The following NSD1 variants were observed in gnomAD, a reference collection of about 807,000 sequenced individuals.
The protein encoded by NSD1 is histone-lysine N-methyltransferase, H3 lysine-36 specific.
A neutral mutation model predicts 242.7 loss-of-function variants in NSD1; 26 were observed. The ratio of observed to expected loss-of-function variants is 0.11; its 90% CI spans 0.08 to 0.15. NSD1 has a LOEUF of 0.15. Among genes scored for constraint, NSD1 ranks in the 10% least tolerant of loss-of-function variants. The pLI is 1.00. For missense variants in NSD1, 2,495 were observed against 3,272.8 expected (o/e 0.76, Z 5.80); for synonymous variants, 1,106 against 1,178.1 (o/e 0.94, Z 1.25).
intron 2 of NSD1, among the ~76,000 whole-genome samples, chr5:177,171,273 C>T (rs1759684505): frequency 6.6e-6 from 1 of 151,770 alleles, no homozygotes; most frequent in African/African-American, 2.4e-5. Flanking sequence ...CGCCGCTGCA[C>T]TCCAGCCTGG....
chr5:177,188,058 C>T (rs897511008), intron 2 of NSD1, among the ~76,000 whole-genome samples: 1 of 152,174 alleles, frequency 6.6e-6, no homozygotes, highest in Non-Finnish European at 1.5e-5. Flanking sequence ...TCTTTACTTA[C>T]ATTTTCTCTG....
At chr5:177,265,297 C>G (rs1757329318) in intron 14 of NSD1, 2 of 660,430 alleles carry the variant, frequency 3.0e-6, no homozygotes, top group East Asian at 5.2e-5. Context: ...AAGCAAAAGT[C>G]AGCATGGGAA....
chr5:177,138,317 G>A (rs891565137), intron 2 of NSD1, among the ~76,000 whole-genome samples: 5 of 150,268 alleles, frequency 3.3e-5, no homozygotes, highest in South Asian at 2.1e-4. Flanking sequence ...GTGTAGTGGC[G>A]CGATCTCAGC....
chr5:177,288,844 C>T lies in NSD1; in HGVS notation c.6177C>T (p.Asn2059=). The T allele has an allele frequency of 1.2e-6, 2 of 1,614,032 alleles. No individual in the cohort carries two copies. The highest frequency in any genetic ancestry group is 2.2e-5 in the East Asian group (1 of 44,888). The change falls in exon 21 of 23, where the codon AAC becomes AAT. Residue 2059 remains asparagine, a synonymous_variant. Coordinates refer to ENST00000439151, the MANE Select transcript of NSD1 (RefSeq NM_022455.5). ...KAGTELTFNY[N]LECLGNGKTV... ...GCACTGAACTTACCTTCAACTACAA[C>T]CTAGAATGTCTTGGGAATGGAAAGA...
At chr5:177,195,659 G>A (rs955320915) in intron 3 of NSD1, among the ~76,000 whole-genome samples, 3 of 152,136 alleles carry the variant, frequency 2.0e-5, no homozygotes, top group African/African-American at 4.8e-5. Context: ...TGTAGAGACA[G>A]GGTTTTGCCT....
chr5:177,235,915 A>G lies in NSD1; in HGVS notation c.3891A>G (p.Lys1297=), dbSNP rs1399050633. 2 of 1,614,010 alleles carry G rather than the reference A, an allele frequency of 1.2e-6. No individual in the cohort carries two copies. The highest frequency in any genetic ancestry group is 1.1e-5 in the South Asian group (1 of 91,072). ...EYDQIFAPKK[K]QKKVQEQVHK... ...ATCAGATATTTGCTCCTAAGAAAAAACAAAAGAAGGTACAGGAGCAGGTGC... is the reference window on the plus strand; with the variant it reads ...ATCAGATATTTGCTCCTAAGAAAAAGCAAAAGAAGGTACAGGAGCAGGTGC... Residue 1297 remains lysine, a synonymous_variant, in exon 6 of 23, where the codon AAA becomes AAG. Transcript: ENST00000439151.
intron 16 of NSD1, among the ~76,000 whole-genome samples, chr5:177,271,993 G>A (rs1461878550): frequency 6.6e-6 from 1 of 152,036 alleles, no homozygotes; most frequent in Admixed American, 6.5e-5. Context: ...GCATGGTGAT[G>A]TGCGCCTGTA....
chr5:177,184,472 GTTATA>G (rs1361034870), intron 2 of NSD1, among the ~76,000 whole-genome samples: 1 of 151,788 alleles, frequency 6.6e-6, no homozygotes, highest in Non-Finnish European at 1.5e-5. Context: ...TAATTTGATT[GTTATA>G]TTTTTCTTTT....
At chr5:177,221,025 G>A (rs537698045) in intron 5 of NSD1, 40 of 455,186 alleles carry the variant, frequency 8.8e-5, no homozygotes, top group Non-Finnish European at 1.1e-4. Context: ...CACCACCCCC[G>A]GTTAATTTTG....
chr5:177,158,278 TTTC>T lies in NSD1; in HGVS notation c.927+22251_927+22253del, dbSNP rs1327360637. Among the ~76,000 whole-genome samples the T allele has an allele frequency of 7.9e-4, 77 of 97,412 alleles. 1 individual carries two copies. Among genetic ancestry groups the T allele is most frequent in the African/African-American group, 2.4e-3 (42 of 17,750 alleles). 63.9% of individuals were successfully genotyped at this position (97,412 alleles called of 152,430 possible). ...CTTTCTTTCTTTCTTTCTTTCTTTCTTTCTTTCTTTCTTTCTTTCTTTCTTTTC... is the reference window on the plus strand; with the variant it reads ...CTTTCTTTCTTTCTTTCTTTCTTTCTTTTCTTTCTTTCTTTCTTTCTTTTC... On this transcript the variant is annotated intron_variant, in intron 2 of 22. Coordinates refer to ENST00000439151, the MANE Select transcript of NSD1 (RefSeq NM_022455.5).
intron 2 of NSD1, among the ~76,000 whole-genome samples, chr5:177,145,219 T>G (rs1272180132): frequency 2.6e-5 from 4 of 152,162 alleles, no homozygotes; most frequent in Non-Finnish European, 5.9e-5. Flanking sequence ...CACACCCCTT[T>G]TTTTCCCTTT....
At chr5:177,202,323 C>CT (rs1461395716) in intron 3 of NSD1, among the ~76,000 whole-genome samples, 1 of 151,926 alleles carries the variant, frequency 6.6e-6, no homozygotes, top group Non-Finnish European at 1.5e-5. Flanking sequence ...ACAGTGAGTT[C>CT]TTTTTTCTCC....
chr5:177,198,218 A>C (rs1042390725), intron 3 of NSD1, among the ~76,000 whole-genome samples: 34 of 152,038 alleles, frequency 2.2e-4, no homozygotes, highest in African/African-American at 8.2e-4. Context: ...TAGAGACAAG[A>C]TCTCCCTATG....
At chr5:177,207,923 CGT>C (rs142847055) in intron 4 of NSD1, among the ~76,000 whole-genome samples, 11 of 146,010 alleles carry the variant, frequency 7.5e-5, no homozygotes, top group South Asian at 2.2e-4. Flanking sequence ...TGTGTGTGTG[CGT>C]GTGTGTGTGT....
intron 2 of NSD1, among the ~76,000 whole-genome samples, chr5:177,170,296 C>CT (rs1242597757): frequency 1.3e-5 from 2 of 150,364 alleles, no homozygotes; most frequent in African/African-American, 4.9e-5. Context: ...ATTTTTTTTT[C>CT]TTTTTTTGGT....
chr5:177,156,035 T>A (rs991799093), intron 2 of NSD1, among the ~76,000 whole-genome samples: 1 of 151,842 alleles, frequency 6.6e-6, no homozygotes, highest in Non-Finnish European at 1.5e-5. Context: ...AGATTAATTA[T>A]TGTAGTTGAG....
chr5:177,218,522 C>CTTG (rs1763965596), intron 5 of NSD1, among the ~76,000 whole-genome samples: 1 of 151,348 alleles, frequency 6.6e-6, no homozygotes, highest in Non-Finnish European at 1.5e-5. Flanking sequence ...TATTTTTGAA[C>CTTG]CATCGTTGCA....
At chr5:177,257,817 TTTTTATTTTA>T (rs10616203) in intron 13 of NSD1, among the ~76,000 whole-genome samples, 24 of 139,736 alleles carry the variant, frequency 1.7e-4, no homozygotes, top group African/African-American at 5.2e-4. Flanking sequence ...CTGGGCTTTT[TTTTTATTTTA>T]TTTTATTTTA....
intron 20 of NSD1, chr5:177,288,567 CTT>C (rs1407498677): frequency 4.8e-6 from 2 of 417,618 alleles, no homozygotes; most frequent in Non-Finnish European, 8.8e-6. Flanking sequence ...TGAAAAACAA[CTT>C]GAGGTAATTA....
Sources: allele counts gnomAD v4.1 joint callset (sites outside exome capture counted in the v4.1 genomes callset), GRCh38; gene constraint gnomAD v4.1.1; transcripts MANE v1.5; gene names NCBI Gene and HGNC (gene_info 2026-07-23, HGNC 2026-07-21).